The following PGM1 variants were observed in gnomAD, a reference collection of about 807,000 sequenced individuals.
PGM1 encodes phosphoglucomutase-1.
In PGM1, 52 loss-of-function variants were observed where a neutral mutation model predicts 55.6. The ratio of observed to expected loss-of-function variants is 0.94; its 90% CI spans 0.75 to 1.18. The LOEUF (loss-of-function observed/expected upper bound fraction) is 1.18. Ranked by LOEUF, PGM1 falls within the 50% of genes most tolerant of loss-of-function variation. The pLI, the probability that PGM1 is intolerant of heterozygous loss-of-function variation, is 0.00. For synonymous variants in PGM1, 287 were observed against 271.7 expected (o/e 1.06, Z -0.55); for missense variants, 724 against 729.3 (o/e 0.99, Z 0.08).
intron 7 of PGM1, among the ~76,000 whole-genome samples, chr1:63,643,800 TG>T (rs1229682148): frequency 6.6e-6 from 1 of 152,074 alleles, no homozygotes; most frequent in Non-Finnish European, 1.5e-5. Context: ...ACAGAGGGCA[TG>T]GGGAGGGCAT....
chr1:63,641,808 T>C (rs2100993296), intron 7 of PGM1, among the ~76,000 whole-genome samples: 1 of 152,326 alleles, frequency 6.6e-6, no homozygotes, highest in East Asian at 1.9e-4. Context: ...ATTGTGTCCC[T>C]CGAGCCTCCC....
At chr1:63,599,878 AG>A (rs1445899950) in intron 1 of PGM1, 1 of 152,268 alleles carries the variant, frequency 6.6e-6, no homozygotes, top group East Asian at 1.9e-4. Context: ...ATTTTGAATC[AG>A]CACTGAATGC....
chr1:63,656,582 GTGTGTGTGTGTGTGTGTGTGTGTGTA>G (rs1363467635), intron 10 of PGM1, among the ~76,000 whole-genome samples: 1 of 143,814 alleles, frequency 7.0e-6, no homozygotes, highest in African/African-American at 2.9e-5. Flanking sequence ...GTGTGTGTGT[GTGTGTGTGTGTGTGTGTGTGTGTGTA>G]TACCACAATG....
intron 1 of PGM1, among the ~76,000 whole-genome samples, chr1:63,600,523 G>A (rs555811938): frequency 6.6e-6 from 1 of 152,146 alleles, no homozygotes; most frequent in Non-Finnish European, 1.5e-5. Flanking sequence ...GAGCTGTGGG[G>A]TTCTCGTTGA....
At chr1:63,599,382 T>G (rs1356034613) in intron 1 of PGM1, among the ~76,000 whole-genome samples, 1 of 152,008 alleles carries the variant, frequency 6.6e-6, no homozygotes, top group Non-Finnish European at 1.5e-5. Flanking sequence ...GCCAGGATGG[T>G]CTGGATCTCT....
Position 63,651,712 on chromosome 1 carries a change from A to G in PGM1, c.1324A>G (p.Met442Val), listed in dbSNP as rs1270696636. The change falls in exon 9 of 11, where the codon ATG becomes GTG. Residue 442 changes from methionine (M) to valine (V), a missense_variant. Physicochemically the swap from Met to Val is conservative, Grantham distance 21 (BLOSUM62 1). Around this residue, in one of 3 missense-constraint regions of PGM1, gnomAD observed 316 missense variants for 313.1 expected, o/e 1.01. Transcript: ENST00000371084. The stretch of plus-strand genomic sequence containing the variant: ...GGAAGCTGAGGGCGCAAACAAAATG[A>G]TGAAGGACTTGGAGGCCCTGATGTT... Reference protein sequence around the residue: ...EVEAEGANKMMKDLEALMFDR... With the variant: ...EVEAEGANKMVKDLEALMFDR... The G allele has an allele frequency of 6.2e-7, 1 of 1,613,760 alleles. No individual in the cohort carries two copies. Among genetic ancestry groups the G allele is most frequent in the African/African-American group, 1.3e-5 (1 of 74,916 alleles).
chr1:63,598,359 A>G (rs1277500798), intron 1 of PGM1, among the ~76,000 whole-genome samples: 6 of 152,208 alleles, frequency 3.9e-5, no homozygotes, highest in Admixed American at 3.9e-4. Flanking sequence ...TATAATCAAA[A>G]TATTAAAAAA....
At chr1:63,611,425 G>A (rs1648561778) in intron 1 of PGM1, among the ~76,000 whole-genome samples, 1 of 152,142 alleles carries the variant, frequency 6.6e-6, no homozygotes, top group South Asian at 2.1e-4. Context: ...GAAGGGAAGA[G>A]GGAGGCCGCC....
In PGM1 at chr1:63,633,929, TATA is replaced by T. The variant is rs1395711355; in HGVS notation, c.683-899_683-897del. ...GTGTGTGTGTGTGTGTATATATATA[TATA>T]TTTTTTTTTTTTTTTTTTTTTTTTT... On this transcript the variant is annotated intron_variant, in intron 4 of 10. Coordinates refer to ENST00000371084, the MANE Select transcript of PGM1 (RefSeq NM_002633.3). 5.3e-4 allele frequency among the ~76,000 whole-genome samples: 56 copies of T among 106,178 alleles called. 1 individual carries two copies. Among genetic ancestry groups the T allele is most frequent in the Middle Eastern group, 4.4e-3 (1 of 228 alleles). 69.7% of individuals were successfully genotyped at this position (106,178 alleles called of 152,430 possible).
intron 1 of PGM1, among the ~76,000 whole-genome samples, chr1:63,616,887 C>G (rs1366275259): frequency 1.1e-4 from 16 of 152,200 alleles, no homozygotes. Flanking sequence ...ATGCACATAG[C>G]CAATGGCCCG....
chr1:63,593,694 A>C lies in PGM1; in HGVS notation c.206A>C (p.Glu69Ala). 1 of 1,603,916 alleles carries C rather than the reference A, an allele frequency of 6.2e-7. No individual in the cohort carries two copies. The highest frequency in any genetic ancestry group is 8.5e-7 in the Non-Finnish European group (1 of 1,176,570). The part of the protein sequence containing the change: ...VGGDGRFYMK[E>A]AIQLIARIAA... ...GGGGACGGCCGGTTCTACATGAAGG[A>C]GGCCATCCAGCTCATCGCTCGCATC... The change falls in exon 1 of 11, where the codon GAG becomes GCG. Residue 69 changes from glutamate to alanine, a missense_variant. By Grantham distance (107) the Glu-to-Ala change is moderately radical. Transcript: ENST00000371084.
chr1:63,622,488 G>A (rs993086374), intron 1 of PGM1, among the ~76,000 whole-genome samples: 2 of 152,152 alleles, frequency 1.3e-5, no homozygotes, highest in African/African-American at 4.8e-5. Context: ...TAAAAGTCAA[G>A]TATGCTTAAA....
chr1:63,658,749 T>C (rs1265697605), intron 10 of PGM1, among the ~76,000 whole-genome samples: 1 of 128,206 alleles, frequency 7.8e-6, no homozygotes, highest in East Asian at 2.2e-4. Flanking sequence ...TGAAACTCCA[T>C]CTCAAAAAAA....
intron 1 of PGM1, among the ~76,000 whole-genome samples, chr1:63,627,118 A>C (rs1371704775): frequency 6.9e-6 from 1 of 145,136 alleles, no homozygotes; most frequent in African/African-American, 2.5e-5. Flanking sequence ...ATGTATACAC[A>C]ATATTTTGTT....
chr1:63,606,207 A>G (rs1028090312), intron 1 of PGM1, among the ~76,000 whole-genome samples: 9 of 152,328 alleles, frequency 5.9e-5, no homozygotes, highest in South Asian at 4.1e-4. Flanking sequence ...TCTGCCTTCC[A>G]TGCTATCAGA....
intron 1 of PGM1, among the ~76,000 whole-genome samples, chr1:63,596,500 A>G (rs939355168): frequency 1.3e-5 from 2 of 150,518 alleles, no homozygotes; most frequent in African/African-American, 2.4e-5. Flanking sequence ...CAGGTGATCC[A>G]CCCTCCTCGG....
At chr1:63,625,917 C>T (rs763961027) in intron 1 of PGM1, among the ~76,000 whole-genome samples, 2 of 152,148 alleles carry the variant, frequency 1.3e-5, no homozygotes, top group Non-Finnish European at 1.5e-5. Flanking sequence ...GAGGTAAGAG[C>T]AGGACCCATG....
intron 7 of PGM1, among the ~76,000 whole-genome samples, chr1:63,640,564 G>T (rs139022282): frequency 6.6e-6 from 1 of 151,814 alleles, no homozygotes; most frequent in African/African-American, 2.4e-5. Context: ...TTATCATTTC[G>T]TAGTATGTAC....
At chr1:63,637,399 G>T (rs1002362356) in intron 6 of PGM1, among the ~76,000 whole-genome samples, 2 of 152,204 alleles carry the variant, frequency 1.3e-5, no homozygotes, top group Non-Finnish European at 2.9e-5. Context: ...CACTCACTGG[G>T]CCATGCAGTT....
Sources: gnomAD v4.1 joint callset for allele counts (sites outside exome capture counted in the v4.1 genomes callset) on GRCh38, gnomAD v4.1.1 for gene constraint, gnomAD v4.1.1 regional missense constraint, MANE v1.5 for transcripts, NCBI Gene and HGNC (gene_info 2026-07-23, HGNC 2026-07-21) for gene names.